Variants in TTC28 observed in about 807,000 individuals in gnomAD.
The protein encoded by TTC28 is tetratricopeptide repeat protein 28.
In TTC28, 61 loss-of-function variants were observed where a neutral mutation model predicts 198.0. That is an observed-to-expected ratio of 0.31 (90% CI 0.25 to 0.38). The LOEUF is 0.38. Ranked by LOEUF, TTC28 falls within the 10% of genes least tolerant of loss-of-function variation. TTC28 has a pLI of 1.00. For missense variants in TTC28, 2,678 were observed against 3,164.0 expected, an observed-to-expected ratio of 0.85 and a Z score of 3.69; for synonymous variants, 1,171 against 1,297.8, an observed-to-expected ratio of 0.90 and a Z score of 2.10.
At chr22:28,181,265 A>G (rs1923667750) in intron 5 of TTC28, among the ~76,000 whole-genome samples, 2 of 152,244 alleles carry the variant, frequency 1.3e-5, no homozygotes, top group South Asian at 4.1e-4. Context: ...GCATTAATAC[A>G]GCAATGTTTT....
At chr22:28,093,091 A>G (rs939553600) in intron 12 of TTC28, among the ~76,000 whole-genome samples, 2 of 152,224 alleles carry the variant, frequency 1.3e-5, no homozygotes, top group Non-Finnish European at 2.9e-5. Context: ...CTTCTGTTAA[A>G]TGAAGGGGTT....
At chr22:28,207,382 T>C (rs1295519717) in intron 5 of TTC28, among the ~76,000 whole-genome samples, 2 of 152,104 alleles carry the variant, frequency 1.3e-5, no homozygotes, top group Non-Finnish European at 2.9e-5. Flanking sequence ...AACACTATGC[T>C]TGGCTACATG....
intron 5 of TTC28, among the ~76,000 whole-genome samples, chr22:28,259,652 T>C (rs1931185778): frequency 6.6e-6 from 1 of 152,142 alleles, no homozygotes; most frequent in African/African-American, 2.4e-5. Context: ...GCATTAAATA[T>C]GAAAAGACAG....
chr22:28,009,177 G>A (rs16985863), intron 14 of TTC28, among the ~76,000 whole-genome samples: 10,971 of 152,198 alleles, frequency 0.072, 512 homozygotes, highest in East Asian at 0.23. Flanking sequence ...AAAGGACAGC[G>A]TGGTTCCAGG....
Position 28,034,673 on chromosome 22 carries a change from A to T in TTC28, c.3933-4307T>A, listed in dbSNP as rs368280352. ...GAGGTCTGGATTATTACGGTCATGA[A>T]GAACAGTGAGGGCAAAAGGTCAAAG... On this transcript the variant is annotated intron_variant, in intron 12 of 22. Coordinates refer to ENST00000397906, the MANE Select transcript of TTC28 (RefSeq NM_001145418.2). Among the ~76,000 whole-genome samples, 14 of 152,344 alleles carry T rather than the reference A, an allele frequency of 9.2e-5. No individual in the cohort carries two copies. The East Asian group carries it at 1.9e-3, about 21-fold the overall frequency.
intron 1 of TTC28, among the ~76,000 whole-genome samples, chr22:28,655,628 C>T (rs575122748): frequency 3.3e-4 from 51 of 152,308 alleles, no homozygotes; most frequent in African/African-American, 1.2e-3. Context: ...CTTTGGGAGG[C>T]CCAGGCGGGC....
chr22:28,548,915 C>A (rs2049600159), intron 2 of TTC28, among the ~76,000 whole-genome samples: 1 of 152,184 alleles, frequency 6.6e-6, no homozygotes, highest in Non-Finnish European at 1.5e-5. Context: ...GAGGACTTCA[C>A]CTGACTTTAC....
intron 1 of TTC28, among the ~76,000 whole-genome samples, chr22:28,644,640 C>T (rs1311084212): frequency 6.6e-6 from 1 of 152,026 alleles, no homozygotes; most frequent in East Asian, 1.9e-4. Flanking sequence ...GCCTGGGCAA[C>T]AAGGTGAAAC....
At chr22:28,646,091 A>G (rs12169460) in intron 1 of TTC28, among the ~76,000 whole-genome samples, 20,785 of 151,966 alleles carry the variant, frequency 0.14, 1,682 homozygotes, top group African/African-American at 0.2. Flanking sequence ...GCCAGAGAAA[A>G]AAGTGAAGGG....
At chr22:28,584,837 G>T (rs555810573) in intron 2 of TTC28, among the ~76,000 whole-genome samples, 2 of 152,198 alleles carry the variant, frequency 1.3e-5, no homozygotes, top group Non-Finnish European at 2.9e-5. Flanking sequence ...TGATTTTAAG[G>T]GTTGGAAAGA....
chr22:28,113,455 G>A (rs1264617360), intron 6 of TTC28, among the ~76,000 whole-genome samples: 1 of 152,140 alleles, frequency 6.6e-6, no homozygotes, highest in African/African-American at 2.4e-5. Context: ...ATGTGACCTG[G>A]CGAAAGTAAT....
intron 12 of TTC28, among the ~76,000 whole-genome samples, chr22:28,093,416 G>A (rs1284043178): frequency 2.0e-5 from 3 of 152,218 alleles, no homozygotes; most frequent in Non-Finnish European, 4.4e-5. Context: ...ACTGGATGGA[G>A]AACAGAGATG....
chr22:28,505,883 T>C (rs2048605033), intron 2 of TTC28, among the ~76,000 whole-genome samples: 1 of 152,188 alleles, frequency 6.6e-6, no homozygotes. Flanking sequence ...TCGGCCTGAG[T>C]TGGAACGGAG....
At chr22:28,362,129 G>A (rs1038074962) in intron 2 of TTC28, among the ~76,000 whole-genome samples, 2 of 152,148 alleles carry the variant, frequency 1.3e-5, no homozygotes, top group Non-Finnish European at 2.9e-5. Context: ...TCAATATGGT[G>A]TGGCTGTGTC....
chr22:28,012,079 G>A (rs1361282266), intron 14 of TTC28, among the ~76,000 whole-genome samples: 3 of 152,180 alleles, frequency 2.0e-5, no homozygotes, highest in Non-Finnish European at 1.5e-5. Context: ...GCCTCAGGGC[G>A]AGCAGGAGGG....
chr22:28,162,168 C>T (rs1601407254), intron 6 of TTC28, among the ~76,000 whole-genome samples: 2 of 152,222 alleles, frequency 1.3e-5, no homozygotes, highest in African/African-American at 4.8e-5. Flanking sequence ...TGCCAGTTAC[C>T]AATTACTTGT....
chr22:28,514,288 A>G (rs960018898), intron 2 of TTC28, among the ~76,000 whole-genome samples: 6 of 152,250 alleles, frequency 3.9e-5, no homozygotes, highest in African/African-American at 1.4e-4. Flanking sequence ...AGTAAGTGTT[A>G]CAATGATTAG....
chr22:28,388,023 A>G (rs1003536890), intron 2 of TTC28, among the ~76,000 whole-genome samples: 2 of 152,128 alleles, frequency 1.3e-5, no homozygotes, highest in African/African-American at 4.8e-5. Context: ...ATTTTTGTAT[A>G]AGGTGTAAGG....
At chr22:28,529,396 C>A (rs2049081685) in intron 2 of TTC28, among the ~76,000 whole-genome samples, 1 of 152,154 alleles carries the variant, frequency 6.6e-6, no homozygotes, top group Non-Finnish European at 1.5e-5. Flanking sequence ...GGTAGGTAAA[C>A]AAAGTGGCCT....
Sources: gnomAD v4.1 joint callset for allele counts (sites outside exome capture counted in the v4.1 genomes callset) on GRCh38, gnomAD v4.1.1 for gene constraint, MANE v1.5 for transcripts, NCBI Gene and HGNC (gene_info 2026-07-23, HGNC 2026-07-21) for gene names.